XKR6: variants seen among roughly 807,000 people sequenced by gnomAD.
XKR6 encodes the protein XK related 6.
XKR6 carries 22 observed loss-of-function variants against 56.7 expected under a neutral mutation model. The observed-to-expected ratio is 0.39, with a 90% confidence interval of 0.28 to 0.55. The LOEUF (loss-of-function observed/expected upper bound fraction) is 0.55, where lower values mean the gene tolerates loss of function less well. XKR6 is among the 20% of genes least tolerant of loss of function. XKR6 has a pLI of 0.66. For synonymous variants in XKR6, 524 were observed against 387.8 expected, an observed-to-expected ratio of 1.35 and a Z score of -4.13; for missense variants, 852 against 889.0, an observed-to-expected ratio of 0.96 and a Z score of 0.53.
intron 1 of XKR6, among the ~76,000 whole-genome samples, chr8:10,975,566 A>G (rs1586378948): frequency 6.6e-6 from 1 of 152,166 alleles, no homozygotes; most frequent in East Asian, 1.9e-4. Context: ...GCTGGGGCCC[A>G]CGCCACTGCA....
chr8:11,071,913 A>G (rs1452370246), intron 1 of XKR6, among the ~76,000 whole-genome samples: 1 of 152,238 alleles, frequency 6.6e-6, no homozygotes, highest in Non-Finnish European at 1.5e-5. Context: ...TATATGCACT[A>G]CACCAAGAAA....
At chr8:10,977,303 C>T (rs1319579690) in intron 1 of XKR6, among the ~76,000 whole-genome samples, 1 of 152,054 alleles carries the variant, frequency 6.6e-6, no homozygotes, top group Non-Finnish European at 1.5e-5. Context: ...CCTCAAGGGT[C>T]CATTGGTCTC....
intron 1 of XKR6, among the ~76,000 whole-genome samples, chr8:11,135,671 T>C (rs888164797): frequency 6.6e-5 from 10 of 151,948 alleles, no homozygotes; most frequent in Admixed American, 2.0e-4. Context: ...TGAAAAAATG[T>C]CTGAAAACAT....
chr8:10,948,364 G>C lies in XKR6; in HGVS notation c.765-23534C>G, dbSNP rs1205498010. On this transcript the variant is annotated intron_variant, in intron 1 of 2. Transcript: ENST00000416569. ...GAAGATGCCCAGCACCGCATCTGCT[G>C]TGTGTGCTGAGACTTAGGCTCTTGA... Among the ~76,000 whole-genome samples, 9 of 152,286 alleles carry C rather than the reference G, an allele frequency of 5.9e-5. No individual in the cohort carries two copies. In the East Asian group the frequency reaches 1.5e-3, roughly 26 times the overall value.
chr8:11,097,048 T>C (rs1798283409), intron 1 of XKR6, among the ~76,000 whole-genome samples: 1 of 152,146 alleles, frequency 6.6e-6, no homozygotes, highest in Non-Finnish European at 1.5e-5. Flanking sequence ...ATCCAGAAGA[T>C]GGAAGGTTGC....
chr8:11,069,464 AC>A (rs1177163925), intron 1 of XKR6, among the ~76,000 whole-genome samples: 1 of 152,112 alleles, frequency 6.6e-6, no homozygotes, highest in African/African-American at 2.4e-5. Flanking sequence ...TCGGGGTCAT[AC>A]AGGCTTCAGC....
At chr8:11,061,884 A>C (rs1350601183) in intron 1 of XKR6, among the ~76,000 whole-genome samples, 3 of 152,186 alleles carry the variant, frequency 2.0e-5, no homozygotes, top group African/African-American at 7.2e-5. Context: ...TGCTTGGGTC[A>C]GGCAAGGACG....
intron 1 of XKR6, among the ~76,000 whole-genome samples, chr8:11,130,779 T>C (rs1227141683): frequency 2.6e-5 from 4 of 152,084 alleles, no homozygotes; most frequent in Non-Finnish European, 5.9e-5. Context: ...AGGGGGCCTT[T>C]GTAAAGAACA....
At chr8:11,069,193 CT>C (rs1377766882) in intron 1 of XKR6, among the ~76,000 whole-genome samples, 6 of 151,452 alleles carry the variant, frequency 4.0e-5, no homozygotes, top group Admixed American at 2.6e-4. Flanking sequence ...GCCCCACTGT[CT>C]TTGATAAGGC....
At chr8:11,127,200 G>A (rs995628698) in intron 1 of XKR6, among the ~76,000 whole-genome samples, 1 of 152,198 alleles carries the variant, frequency 6.6e-6, no homozygotes, top group Non-Finnish European at 1.5e-5. Context: ...ACTGTGGTCA[G>A]ATTCAGCTGG....
In XKR6 at chr8:11,045,352, T is replaced by C. The variant is rs547174947; in HGVS notation, c.765-120522A>G. 4.6e-5 allele frequency among the ~76,000 whole-genome samples: 7 copies of C among 152,052 alleles called. No individual in the cohort carries two copies. In the East Asian group the frequency reaches 1.4e-3, roughly 29 times the overall value. On this transcript the variant is annotated intron_variant, in intron 1 of 2. Transcript: ENST00000416569. ...ATCTACCCATCTTGGCCTCCCAGAG[T>C]GCTGGGATTATAGGTGTGAGCCACT...
intron 1 of XKR6, among the ~76,000 whole-genome samples, chr8:11,112,301 G>A (rs559226294): frequency 3.3e-5 from 5 of 152,068 alleles, no homozygotes; most frequent in Middle Eastern, 3.4e-3. Flanking sequence ...TTTTTTAGTC[G>A]AGTAATAGCG....
At chr8:10,983,803 C>A (rs1398519187) in intron 1 of XKR6, among the ~76,000 whole-genome samples, 1 of 151,940 alleles carries the variant, frequency 6.6e-6, no homozygotes, top group Non-Finnish European at 1.5e-5. Context: ...CTACAGGTGC[C>A]CGCCACCATG....
intron 1 of XKR6, among the ~76,000 whole-genome samples, chr8:10,978,514 T>C (rs6601544): frequency 0.57 from 86,126 of 152,018 alleles, 27,202 homozygotes; most frequent in African/African-American, 0.83. Flanking sequence ...GGGAAACAGG[T>C]GTATTTTATC....
intron 1 of XKR6, chr8:11,035,406 A>C (rs1180162021): frequency 3.9e-6 from 2 of 510,578 alleles, no homozygotes; most frequent in East Asian, 5.5e-5. Flanking sequence ...GTGCAACTCC[A>C]GGAAAGAGAG....
Position 11,164,028 on chromosome 8 carries a change from G to A in XKR6, c.764+36548C>T, listed in dbSNP as rs558666073. Among the ~76,000 whole-genome samples the A allele has an allele frequency of 6.0e-4, 91 of 152,262 alleles. 3 individuals are homozygous for A. The Middle Eastern group carries it at 0.014, about 23-fold the overall frequency. ...CAGTAATGTGAGCATGTTTTGGGGG[G>A]CCACTCTCATGCTGATTTCAAGTGT... On this transcript the variant is annotated intron_variant, in intron 1 of 2. Transcript: ENST00000416569.
intron 1 of XKR6, among the ~76,000 whole-genome samples, chr8:11,135,324 C>T (rs961379297): frequency 6.6e-6 from 1 of 152,062 alleles, no homozygotes; most frequent in East Asian, 1.9e-4. Flanking sequence ...CCACCATGCC[C>T]GGCCAAAAAG....
intron 2 of XKR6, among the ~76,000 whole-genome samples, chr8:10,902,797 C>A (rs1310924610): frequency 2.0e-5 from 3 of 152,238 alleles, no homozygotes; most frequent in Non-Finnish European, 2.9e-5. Flanking sequence ...CCCTGATGTG[C>A]CTGCCCCTCT....
chr8:11,014,621 G>A (rs919531226), intron 1 of XKR6, among the ~76,000 whole-genome samples: 3 of 152,170 alleles, frequency 2.0e-5, no homozygotes, highest in African/African-American at 7.2e-5. Context: ...GGAAAGGAAA[G>A]GCAATTTGCT....
Sources: allele counts gnomAD v4.1 joint callset (sites outside exome capture counted in the v4.1 genomes callset), GRCh38; gene constraint gnomAD v4.1.1; transcripts MANE v1.5; gene names NCBI Gene and HGNC (gene_info 2026-07-23, HGNC 2026-07-21).